The following LCA5 variants were observed in gnomAD, a reference collection of about 807,000 sequenced individuals.
LCA5 encodes lebercilin.
LCA5 carries 37 observed loss-of-function variants against 53.0 expected under a neutral mutation model. The observed-to-expected ratio is 0.70, with a 90% CI of 0.54 to 0.92. The LOEUF (loss-of-function observed/expected upper bound fraction) is 0.92. LCA5 is among the 40% of genes least tolerant of loss of function. The probability of loss-of-function intolerance (pLI) is 0.00; values close to 1 mark genes in which losing one functional copy is unlikely to be tolerated. For synonymous variants in LCA5, 303 were observed against 282.9 expected (o/e 1.07, Z -0.71); for missense variants, 806 against 790.5 (o/e 1.02, Z -0.23).
rs1015932170 is a variant in LCA5 at position 79,495,719 on chromosome 6, C to G, written c.721-1969G>C. Among the ~76,000 whole-genome samples the G allele has an allele frequency of 3.4e-5, 5 of 149,058 alleles. No individual in the cohort carries two copies. The East Asian group carries it at 1.0e-3, about 30-fold the overall frequency. On this transcript the variant is annotated intron_variant, in intron 3 of 7. Transcript: ENST00000369846. ...TGAGCCGAGATCATGCCACTGCACT[C>G]CAGCCTGGGTGACAGAGCAAGACTC... is the stretch of plus-strand genomic sequence containing the variant.
chr6:79,494,178 G>A (rs916094362), intron 3 of LCA5, among the ~76,000 whole-genome samples: 1 of 151,902 alleles, frequency 6.6e-6, no homozygotes, highest in East Asian at 1.9e-4. Flanking sequence ...GATCACTAGA[G>A]CCTGGAAGTT....
At chr6:79,494,069 A>C (rs753651303) in intron 3 of LCA5, among the ~76,000 whole-genome samples, 4 of 152,110 alleles carry the variant, frequency 2.6e-5, no homozygotes, top group Non-Finnish European at 4.4e-5. Context: ...TAGACAACAA[A>C]GCAAGACCCC....
intron 1 of LCA5, among the ~76,000 whole-genome samples, chr6:79,524,241 C>T (rs573265426): frequency 2.6e-5 from 4 of 152,268 alleles, no homozygotes; most frequent in Admixed American, 2.6e-4. Context: ...TTATTGAATT[C>T]CTGAGTTAGT....
intron 3 of LCA5, among the ~76,000 whole-genome samples, chr6:79,506,129 C>T (rs75639492): frequency 1.3e-5 from 2 of 152,178 alleles, no homozygotes; most frequent in South Asian, 4.1e-4. Flanking sequence ...TTTAATAGCT[C>T]CATTGATACT....
Position 79,513,412 on chromosome 6 carries a change from G to T in LCA5, c.520C>A (p.Arg174Ser), listed in dbSNP as rs374629518. 10 of 1,613,504 alleles carry T rather than the reference G, an allele frequency of 6.2e-6. No individual in the cohort carries two copies. Among genetic ancestry groups the T allele is most frequent in the Non-Finnish European group, 7.6e-6 (9 of 1,179,836 alleles). ...TCTTTCTCTTGAGATTTTCTTAAGC[G>T]TTCTTTGAGTGCTGTAATCTCATTG... is the stretch of plus-strand genomic sequence containing the variant. ...HNNEITALKE[R>S]LRKSQEKERA... The change falls in exon 3 of 8, where the codon CGC (arginine) becomes AGC (serine). Residue 174 changes from arginine (R) to serine (S), a missense_variant. By Grantham distance (110) the Arg-to-Ser change is moderately radical (BLOSUM62 -1). Coordinates refer to ENST00000369846, the MANE Select transcript of LCA5 (RefSeq NM_001122769.3).
intron 3 of LCA5, among the ~76,000 whole-genome samples, chr6:79,506,106 T>G (rs866219923): frequency 6.6e-5 from 10 of 152,314 alleles, no homozygotes; most frequent in African/African-American, 2.2e-4. Context: ...GAAAAAAGTT[T>G]ATTCAAACTT....
In LCA5 at chr6:79,485,418, T is replaced by A. The variant is rs1769620951; in HGVS notation, c.*1586A>T. The A allele has an allele frequency of 6.6e-6, 1 of 152,584 alleles. No homozygotes were observed. The highest frequency in any genetic ancestry group is 2.1e-4 in the South Asian group (1 of 4,832). 9.5% of individuals were successfully genotyped at this position (152,584 alleles called of 1,614,324 possible). A position where few individuals can be genotyped will look rare whatever the true frequency, so the allele number is the denominator to read the frequency against. ...ATTGTTTTACATATATTAGAATGAT[T>A]TGCAACATATTATAGTAAATGGTTA... On this transcript the variant is annotated 3_prime_UTR_variant, in exon 8 of 8. Transcript: ENST00000369846.
At chr6:79,520,161 G>C (rs562429910) in intron 1 of LCA5, among the ~76,000 whole-genome samples, 3 of 151,992 alleles carry the variant, frequency 2.0e-5, no homozygotes, top group African/African-American at 7.2e-5. Context: ...ATGTAGTACA[G>C]TACTTTTTTT....
At chr6:79,521,044 A>G (rs1766609535) in intron 1 of LCA5, among the ~76,000 whole-genome samples, 2 of 152,208 alleles carry the variant, frequency 1.3e-5, no homozygotes, top group South Asian at 4.1e-4. Flanking sequence ...GTGGCTATCA[A>G]GCACTTGAGA....
At chr6:79,537,666 A>G (rs1196408017), upstream of LCA5, among the ~76,000 whole-genome samples, 1 of 152,196 alleles carries the variant, frequency 6.6e-6, no homozygotes, top group Non-Finnish European at 1.5e-5. Context: ...CCAGGGCTCG[A>G]CTGCTGAGCG....
rs1183978631 is a variant in LCA5 at position 79,485,841 on chromosome 6, T to C, written c.*1163A>G. On this transcript the variant is annotated 3_prime_UTR_variant, in exon 8 of 8. Transcript: ENST00000369846. ...GTTTTCTCCTTGGGCTGGTGGTATATTACTGCTTTTTAAAGACCAATCATA... is the reference window on the plus strand; with the variant it reads ...GTTTTCTCCTTGGGCTGGTGGTATACTACTGCTTTTTAAAGACCAATCATA... The C allele has an allele frequency of 2.0e-5, 3 of 152,146 alleles. No homozygotes were observed. The highest frequency in any genetic ancestry group is 7.2e-5 in the African/African-American group (3 of 41,446). The allele number at this position is 152,146 out of a possible 1,614,324, so 9.4% of individuals were successfully genotyped here.
At chr6:79,491,241 G>A (rs1378922572) in intron 6 of LCA5, among the ~76,000 whole-genome samples, 1 of 151,980 alleles carries the variant, frequency 6.6e-6, no homozygotes, top group African/African-American at 2.4e-5. Flanking sequence ...ACCTGAAATA[G>A]GTGATGTAAA....
intron 1 of LCA5, 118 bp downstream of exon 1, chr6:79,537,047 G>C (rs1656271315): frequency 6.6e-6 from 1 of 152,596 alleles, no homozygotes; most frequent in South Asian, 2.1e-4. Flanking sequence ...CCTGCTTTAA[G>C]AACCACCCGC....
chr6:79,514,088 A>G (rs1490227085), intron 2 of LCA5, among the ~76,000 whole-genome samples: 1 of 152,194 alleles, frequency 6.6e-6, no homozygotes, highest in East Asian at 1.9e-4. Context: ...CAGCATTAGC[A>G]TGGTGCATAA....
intron 1 of LCA5, among the ~76,000 whole-genome samples, chr6:79,534,749 T>TG (rs1011185518): frequency 6.6e-5 from 10 of 151,790 alleles, no homozygotes; most frequent in Non-Finnish European, 1.0e-4. Context: ...GTTTGAAAAG[T>TG]GGGGGGGTAA....
At chr6:79,516,070 T>C (rs1321933619) in intron 2 of LCA5, among the ~76,000 whole-genome samples, 11 of 152,002 alleles carry the variant, frequency 7.2e-5, no homozygotes. Flanking sequence ...CATAATGTTT[T>C]ATACTTACTA....
intron 1 of LCA5, among the ~76,000 whole-genome samples, chr6:79,532,831 T>A (rs937935086): frequency 6.6e-6 from 1 of 152,180 alleles, no homozygotes; most frequent in Non-Finnish European, 1.5e-5. Flanking sequence ...ACAGAACTCT[T>A]GTCTGTTTAG....
chr6:79,496,202 A>G (rs1769979516), intron 3 of LCA5, among the ~76,000 whole-genome samples: 1 of 152,244 alleles, frequency 6.6e-6, no homozygotes, highest in Non-Finnish European at 1.5e-5. Context: ...AAGGATGAGT[A>G]GCAACCAGAA....
chr6:79,531,757 C>T (rs1766965783), intron 1 of LCA5, among the ~76,000 whole-genome samples: 1 of 152,138 alleles, frequency 6.6e-6, no homozygotes, highest in Admixed American at 6.6e-5. Context: ...TTCTTACTTG[C>T]TTTTCCATAG....
Sources: gnomAD v4.1 joint callset for allele counts (sites outside exome capture counted in the v4.1 genomes callset) on GRCh38, gnomAD v4.1.1 for gene constraint, MANE v1.5 for transcripts, NCBI Gene and HGNC (gene_info 2026-07-23, HGNC 2026-07-21) for gene names.